NPAS3: variants seen among roughly 807,000 people sequenced by gnomAD.
The protein encoded by NPAS3 is neuronal PAS domain protein 3, also known as neuronal PAS domain-containing protein 3.
In NPAS3, 14 loss-of-function variants were observed where a neutral mutation model predicts 73.1. That is an observed-to-expected ratio of 0.19 (90% CI 0.13 to 0.30). The LOEUF (loss-of-function observed/expected upper bound fraction) is 0.30. Among genes scored for constraint, NPAS3 ranks in the 10% least tolerant of loss-of-function variants. The pLI, the probability that NPAS3 is intolerant of heterozygous loss-of-function variation, is 1.00. For synonymous variants in NPAS3, 620 were observed against 541.5 expected, an observed-to-expected ratio of 1.14 and a Z score of -2.01; for missense variants, 1,096 against 1,250.0, an observed-to-expected ratio of 0.88 and a Z score of 1.86.
intron 4 of NPAS3, among the ~76,000 whole-genome samples, chr14:33,546,864 G>C (rs1317963058): frequency 6.6e-6 from 1 of 152,196 alleles, no homozygotes; most frequent in Non-Finnish European, 1.5e-5. Flanking sequence ...ATAAACTGCA[G>C]ACCTATGTCT....
At chr14:33,057,127 G>C (rs1227172301) in intron 2 of NPAS3, among the ~76,000 whole-genome samples, 1 of 152,146 alleles carries the variant, frequency 6.6e-6, no homozygotes, top group African/African-American at 2.4e-5. Flanking sequence ...GACACAAAGT[G>C]GATACTGGAT....
At chr14:33,209,907 A>G (rs1039869603) in intron 2 of NPAS3, among the ~76,000 whole-genome samples, 2 of 152,184 alleles carry the variant, frequency 1.3e-5, no homozygotes, top group African/African-American at 4.8e-5. Context: ...TTACATAGAA[A>G]TAGTGTGGAT....
intron 7 of NPAS3, among the ~76,000 whole-genome samples, chr14:33,764,025 A>G (rs1021377626): frequency 2.6e-5 from 4 of 152,182 alleles, no homozygotes; most frequent in African/African-American, 9.7e-5. Context: ...ACCCATCTAC[A>G]TGGACAATTG....
At chr14:33,644,656 A>G (rs1388648123) in intron 5 of NPAS3, among the ~76,000 whole-genome samples, 1 of 152,200 alleles carries the variant, frequency 6.6e-6, no homozygotes, top group Admixed American at 6.5e-5. Context: ...AGCTAGGTAC[A>G]CAGATACAAG....
At chr14:33,630,209 G>A (rs928045219) in intron 5 of NPAS3, among the ~76,000 whole-genome samples, 9 of 152,260 alleles carry the variant, frequency 5.9e-5, no homozygotes, top group African/African-American at 1.4e-4. Context: ...GAAAGTCTAC[G>A]GGATTTTGAT....
intron 2 of NPAS3, among the ~76,000 whole-genome samples, chr14:33,199,926 G>T (rs1004267811): frequency 6.6e-6 from 1 of 152,100 alleles, no homozygotes; most frequent in African/African-American, 2.4e-5. Flanking sequence ...CTATATGCAA[G>T]ACGTTGTCTC....
At chr14:33,384,447 A>C (rs1333789499) in intron 4 of NPAS3, among the ~76,000 whole-genome samples, 2 of 151,746 alleles carry the variant, frequency 1.3e-5, no homozygotes, top group Non-Finnish European at 2.9e-5. Context: ...ATACCATTGA[A>C]GGCCAGGTGC....
chr14:33,743,961 CTGGATTAGGCTT>C (rs2061719209), intron 7 of NPAS3, among the ~76,000 whole-genome samples: 1 of 152,242 alleles, frequency 6.6e-6, no homozygotes, highest in South Asian at 2.1e-4. Context: ...AGGTCTTGCT[CTGGATTAGGCTT>C]TGGCATTATG....
chr14:33,346,512 A>G (rs1594743805), intron 3 of NPAS3, among the ~76,000 whole-genome samples: 1 of 131,580 alleles, frequency 7.6e-6, no homozygotes, highest in African/African-American at 3.1e-5. Context: ...TGGATGACAC[A>G]GTGAGACCCT....
intron 5 of NPAS3, among the ~76,000 whole-genome samples, chr14:33,567,725 T>C (rs564961461): frequency 6.6e-6 from 1 of 152,356 alleles, no homozygotes; most frequent in East Asian, 1.9e-4. Context: ...TAACTCCAAA[T>C]TAATTTCTTA....
At chr14:33,138,051 C>CTT (rs779900834) in intron 2 of NPAS3, among the ~76,000 whole-genome samples, 1 of 110,806 alleles carries the variant, frequency 9.0e-6, no homozygotes, top group African/African-American at 3.9e-5. Flanking sequence ...TAATCTATCA[C>CTT]TTTTTTTTTT....
intron 4 of NPAS3, among the ~76,000 whole-genome samples, chr14:33,494,642 A>G (rs1191643799): frequency 3.9e-5 from 6 of 152,106 alleles, no homozygotes. Flanking sequence ...GGTCAGAAAT[A>G]TATTTCTGCC....
intron 1 of NPAS3, among the ~76,000 whole-genome samples, chr14:32,946,348 G>GCGCGCACACACA (rs1233572564): frequency 3.2e-4 from 45 of 139,402 alleles, no homozygotes; most frequent in African/African-American, 1.2e-3. Flanking sequence ...ACACACACGC[G>GCGCGCACACACA]CACACACACA....
chr14:33,452,110 G>C (rs911175456), intron 4 of NPAS3, among the ~76,000 whole-genome samples: 1 of 152,162 alleles, frequency 6.6e-6, no homozygotes, highest in African/African-American at 2.4e-5. Context: ...GCTGAAGCTG[G>C]AGTCAAAATC....
intron 6 of NPAS3, among the ~76,000 whole-genome samples, chr14:33,704,215 T>C (rs2060597804): frequency 6.6e-6 from 1 of 152,230 alleles, no homozygotes; most frequent in Admixed American, 6.5e-5. Context: ...ACAAATTAGA[T>C]GGCTAATATG....
At chr14:33,753,270 C>T (rs1356338480) in intron 7 of NPAS3, among the ~76,000 whole-genome samples, 1 of 150,910 alleles carries the variant, frequency 6.6e-6, no homozygotes, top group Non-Finnish European at 1.5e-5. Context: ...TGTTTTTCTG[C>T]AACAATACCT....
chr14:33,261,801 C>A (rs955501020), intron 3 of NPAS3, among the ~76,000 whole-genome samples: 25 of 152,244 alleles, frequency 1.6e-4, no homozygotes, highest in Admixed American at 4.6e-4. Flanking sequence ...GAAATTCACA[C>A]ATCATTTTAT....
At chr14:33,382,116 A>C (rs1464115620) in intron 4 of NPAS3, among the ~76,000 whole-genome samples, 1 of 152,178 alleles carries the variant, frequency 6.6e-6, no homozygotes, top group Non-Finnish European at 1.5e-5. Context: ...TTTAGAAAGC[A>C]CAAAGTCATT....
intron 3 of NPAS3, among the ~76,000 whole-genome samples, chr14:33,333,421 T>C (rs889943915): frequency 1.3e-5 from 2 of 152,214 alleles, no homozygotes; most frequent in African/African-American, 4.8e-5. Flanking sequence ...CACTTTTACC[T>C]ATATTGTTAT....
Sources: allele counts gnomAD v4.1 joint callset (sites outside exome capture counted in the v4.1 genomes callset), GRCh38; gene constraint gnomAD v4.1.1; transcripts MANE v1.5; gene names NCBI Gene and HGNC (gene_info 2026-07-23, HGNC 2026-07-21).